ZNF841: variants seen among roughly 807,000 people sequenced by gnomAD.
ZNF841 encodes zinc finger protein 841.
Under a neutral mutation model 13.0 loss-of-function variants are expected in ZNF841, and 11 were observed. The ratio of observed to expected loss-of-function variants is 0.85; its 90% CI spans 0.53 to 1.40. ZNF841 has a LOEUF of 1.40. Among genes scored for constraint, ZNF841 ranks in the 40% most tolerant of loss-of-function variants. The probability of loss-of-function intolerance (pLI) is 0.00; values close to 1 mark genes in which losing one functional copy is unlikely to be tolerated. For synonymous variants in ZNF841, 369 were observed against 381.6 expected (o/e 0.97, Z 0.38); for missense variants, 1,068 against 1,139.5 (o/e 0.94, Z 0.90).
intron 3 of ZNF841, among the ~76,000 whole-genome samples, chr19:52,086,389 T>C (rs930343868): frequency 6.6e-6 from 1 of 152,180 alleles, no homozygotes; most frequent in Admixed American, 6.5e-5. Context: ...CCTCACTCTC[T>C]CTTGCTCCTG....
At chr19:52,089,769 T>C (rs186556651) in intron 2 of ZNF841, among the ~76,000 whole-genome samples, 1 of 152,290 alleles carries the variant, frequency 6.6e-6, no homozygotes, top group East Asian at 1.9e-4. Context: ...TAACCACACT[T>C]GGGACAGGTG....
intron 4 of ZNF841, among the ~76,000 whole-genome samples, chr19:52,080,687 C>T (rs2088069599): frequency 6.6e-6 from 1 of 152,182 alleles, no homozygotes; most frequent in Non-Finnish European, 1.5e-5. Context: ...CTACAGCTTA[C>T]TGTAGCACCA....
At chr19:52,058,765 TTCTG>T in the ZNF841 span, 2 of 153,182 alleles carry the variant, frequency 1.3e-5, no homozygotes, top group African/African-American at 4.8e-5. Context: ...CTGTAAAAAT[TTCTG>T]TATGAGGTTA....
At chr19:52,086,579 T>C (rs2088282157) in intron 3 of ZNF841, among the ~76,000 whole-genome samples, 1 of 152,180 alleles carries the variant, frequency 6.6e-6, no homozygotes, top group Admixed American at 6.5e-5. Context: ...AATTCAAGAA[T>C]GGACTAATAC....
intron 2 of ZNF841, among the ~76,000 whole-genome samples, chr19:52,093,224 G>A (rs1340332382): frequency 1.3e-5 from 2 of 152,144 alleles, no homozygotes; most frequent in Non-Finnish European, 2.9e-5. Context: ...GAATAAATAT[G>A]TGTGTATATA....
Position 52,067,390 on chromosome 19 carries a change from A to C in ZNF841, c.492T>G (p.Thr164=), listed in dbSNP as rs1259784895. Residue 164 remains threonine, a synonymous_variant, in exon 7 of 7, where the codon ACT becomes ACG. Coordinates refer to ENST00000594440, the MANE Select transcript of ZNF841 (RefSeq NM_001136499.2). ...CTTGACTATGTCGAACTCTTTGACC[A>C]GTAAGATTGTTTTTATGGGTCATCG... ...EGPMTHKNNL[T]GQRVRHSQGD... is the part of the protein sequence containing the mutation. The C allele has an allele frequency of 6.5e-7, 1 of 1,546,280 alleles. No individual in the cohort carries two copies. Among genetic ancestry groups the C allele is most frequent in the South Asian group, 1.2e-5 (1 of 82,682 alleles).
intron 4 of ZNF841, among the ~76,000 whole-genome samples, chr19:52,079,821 G>T (rs145577028): frequency 6.6e-6 from 1 of 151,752 alleles, no homozygotes; most frequent in Non-Finnish European, 1.5e-5. Context: ...GAGAAATCCC[G>T]TCTCTACTAA....
chr19:52,064,353 C>CAAAAAAAAAA (rs56135758), downstream of ZNF841: 12 of 35,454 alleles, frequency 3.4e-4, 4 homozygotes, highest in Non-Finnish European at 7.6e-4. Context: ...ACTCCGTCTC[C>CAAAAAAAAAA]AAAAAAAAAA....
At chr19:52,060,582 T>C (rs1470210091), downstream of ZNF841, among the ~76,000 whole-genome samples, 3 of 151,762 alleles carry the variant, frequency 2.0e-5, no homozygotes, top group Admixed American at 2.0e-4. Context: ...CAGCGGCCGT[T>C]TCCTAGTAGC....
intron 4 of ZNF841, among the ~76,000 whole-genome samples, chr19:52,078,569 G>A (rs561853052): frequency 8.6e-5 from 13 of 151,708 alleles, no homozygotes; most frequent in Admixed American, 4.6e-4. Context: ...TGTGGTGGCC[G>A]GCGCCTGTAA....
chr19:52,064,083 G>A (rs1416726696), downstream of ZNF841, among the ~76,000 whole-genome samples: 2 of 151,934 alleles, frequency 1.3e-5, no homozygotes, highest in African/African-American at 2.4e-5. Flanking sequence ...AGTGGCTCAC[G>A]CCTGTAATCC....
chr19:52,079,416 T>TG (rs1483515736), intron 4 of ZNF841, among the ~76,000 whole-genome samples: 2 of 141,130 alleles, frequency 1.4e-5, no homozygotes, highest in Admixed American at 1.4e-4. Context: ...AAAATCATGT[T>TG]GCAAAGGAAA....
At chr19:52,090,670 A>AGAAAGAAAGAAAGAAAGAAG (rs2088452805) in intron 2 of ZNF841, among the ~76,000 whole-genome samples, 1 of 135,634 alleles carries the variant, frequency 7.4e-6, no homozygotes. Flanking sequence ...AAAGAAAGAA[A>AGAAAGAAAGAAAGAAAGAAG]GAAAGAAAGA....
intron 4 of ZNF841, among the ~76,000 whole-genome samples, chr19:52,081,203 C>T (rs1271731184): frequency 6.6e-6 from 1 of 152,164 alleles, no homozygotes; most frequent in East Asian, 1.9e-4. Flanking sequence ...ATCATCTCTA[C>T]ATTACTTATA....
chr19:52,073,520 C>T (rs981637023), intron 6 of ZNF841, among the ~76,000 whole-genome samples: 38 of 152,018 alleles, frequency 2.5e-4, no homozygotes, highest in Non-Finnish European at 3.1e-4. Context: ...AGGCTGGTCT[C>T]GAACTCCTGA....
At chr19:52,061,830 G>A (rs886907359), downstream of ZNF841, among the ~76,000 whole-genome samples, 4 of 152,166 alleles carry the variant, frequency 2.6e-5, no homozygotes, top group Admixed American at 6.5e-5. Context: ...ACAGGCGTGA[G>A]CCACCGTGCC....
chr19:52,065,256 G>T lies in ZNF841; in HGVS notation c.2626C>A (p.Pro876Thr), dbSNP rs751524663. 8.1e-6 allele frequency: 13 copies of T among 1,614,000 alleles called. No individual in the cohort carries two copies. In the South Asian group the frequency reaches 1.3e-4, roughly 16 times the overall value. The change falls in exon 7 of 7, where the codon CCT becomes ACT. Residue 876 changes from proline to threonine, a missense_variant. Pro to Thr is a conservative substitution (Grantham distance 38, BLOSUM62 -1). Transcript: ENST00000594440. ...TTGCCACACTCATTACATTTATAAGGTTTTTCACTAGAATGAATTCGTTGG... is the reference window on the plus strand; with the variant it reads ...TTGCCACACTCATTACATTTATAAGTTTTTTCACTAGAATGAATTCGTTGG... Reference protein sequence around the residue: ...KHQRIHSSEKPYKCNECGKSY... With the variant: ...KHQRIHSSEKTYKCNECGKSY...
chr19:52,091,594 T>A (rs2088499249), intron 2 of ZNF841, among the ~76,000 whole-genome samples: 1 of 152,104 alleles, frequency 6.6e-6, no homozygotes, highest in Admixed American at 6.5e-5. Flanking sequence ...GAAAGGACAG[T>A]CTCATCAATA....
chr19:52,088,409 G>C (rs889667618), intron 3 of ZNF841, among the ~76,000 whole-genome samples: 2 of 152,098 alleles, frequency 1.3e-5, no homozygotes, highest in African/African-American at 4.8e-5. Flanking sequence ...CCCTAATTAA[G>C]AAAAAGGTAT....
Sources: allele counts gnomAD v4.1 joint callset (sites outside exome capture counted in the v4.1 genomes callset), GRCh38; gene constraint gnomAD v4.1.1; transcripts MANE v1.5; gene names NCBI Gene and HGNC (gene_info 2026-07-23, HGNC 2026-07-21).